CTNNA2: variants seen among roughly 807,000 people sequenced by gnomAD.
The protein encoded by CTNNA2 is catenin alpha 2.
A neutral mutation model predicts 101.0 loss-of-function variants in CTNNA2; 42 were observed. The observed-to-expected ratio is 0.42, with a 90% confidence interval of 0.32 to 0.54. CTNNA2 has a LOEUF of 0.54. CTNNA2 is among the 20% of genes least tolerant of loss of function. CTNNA2 has a pLI of 0.14. For missense variants in CTNNA2, 871 were observed against 1,223.1 expected, an observed-to-expected ratio of 0.71 and a Z score of 4.29; for synonymous variants, 450 against 456.4, an observed-to-expected ratio of 0.99 and a Z score of 0.18.
chr2:79,743,625 C>G (rs1039909760), intron 2 of CTNNA2, among the ~76,000 whole-genome samples: 2 of 151,806 alleles, frequency 1.3e-5, no homozygotes, highest in African/African-American at 4.8e-5. Context: ...CCTCTGCCTC[C>G]CGAGTTCAAG....
chr2:79,599,722 T>C (rs532419631), intron 1 of CTNNA2, among the ~76,000 whole-genome samples: 8 of 152,254 alleles, frequency 5.3e-5, no homozygotes, highest in African/African-American at 1.9e-4. Context: ...TCTAGAAAAA[T>C]CTGAGAAATT....
intron 7 of CTNNA2, among the ~76,000 whole-genome samples, chr2:80,294,732 C>G (rs980716680): frequency 1.3e-5 from 2 of 152,126 alleles, no homozygotes; most frequent in African/African-American, 4.8e-5. Flanking sequence ...GTCCAGGAGT[C>G]AGTATTTATT....
chr2:80,403,532 T>C (rs1678774355), intron 8 of CTNNA2, among the ~76,000 whole-genome samples: 1 of 152,188 alleles, frequency 6.6e-6, no homozygotes. Context: ...TTAGAGAAAA[T>C]GGAGAACACT....
chr2:79,895,624 A>T (rs1684650868), intron 6 of CTNNA2, among the ~76,000 whole-genome samples: 1 of 151,990 alleles, frequency 6.6e-6, no homozygotes. Flanking sequence ...CTTAAAAAAA[A>T]TTCAACCATT....
intron 7 of CTNNA2, among the ~76,000 whole-genome samples, chr2:80,062,854 C>T (rs530239941): frequency 1.3e-4 from 20 of 152,040 alleles, no homozygotes; most frequent in South Asian, 4.2e-4. Flanking sequence ...TACAGGCGCC[C>T]GCCACCACAC....
chr2:79,299,693 C>T (rs1049192221), intron 2 of CTNNA2, among the ~76,000 whole-genome samples: 6 of 152,148 alleles, frequency 3.9e-5, no homozygotes, highest in Non-Finnish European at 7.3e-5. Context: ...ACAAGGTAAA[C>T]TTCTGACCTA....
intron 7 of CTNNA2, among the ~76,000 whole-genome samples, chr2:80,294,938 T>C (rs1325130810): frequency 6.6e-6 from 1 of 152,212 alleles, no homozygotes; most frequent in African/African-American, 2.4e-5. Context: ...TTGAAAAGGA[T>C]TGAGGAGTCA....
At chr2:79,382,581 A>G (rs1028381354) in intron 4 of CTNNA2, among the ~76,000 whole-genome samples, 3 of 152,196 alleles carry the variant, frequency 2.0e-5, no homozygotes, top group Non-Finnish European at 4.4e-5. Flanking sequence ...ATTTTATAGC[A>G]TTTAAAAACA....
chr2:79,224,336 C>T (rs1674382091), intron 2 of CTNNA2, among the ~76,000 whole-genome samples: 1 of 152,032 alleles, frequency 6.6e-6, no homozygotes, highest in Admixed American at 6.6e-5. Context: ...ACATTATTTT[C>T]AACGCTTTAT....
At chr2:79,951,703 T>C (rs1284034515) in intron 7 of CTNNA2, among the ~76,000 whole-genome samples, 1 of 151,726 alleles carries the variant, frequency 6.6e-6, no homozygotes, top group Non-Finnish European at 1.5e-5. Context: ...TAAAATAAAA[T>C]AAAATAAAAT....
At chr2:80,060,778 T>C (rs1231063501) in intron 7 of CTNNA2, among the ~76,000 whole-genome samples, 2 of 152,188 alleles carry the variant, frequency 1.3e-5, no homozygotes, top group Admixed American at 1.3e-4. Flanking sequence ...CATCCATTTC[T>C]CCCTGTCAGG....
intron 4 of CTNNA2, among the ~76,000 whole-genome samples, chr2:79,459,005 C>T (rs114549787): frequency 0.018 from 2,739 of 152,052 alleles, 87 homozygotes; most frequent in African/African-American, 0.061. Context: ...ATGGATAAAA[C>T]GATTGGGCTT....
At chr2:79,859,614 T>A (rs1436141090) in intron 4 of CTNNA2, among the ~76,000 whole-genome samples, 2 of 151,516 alleles carry the variant, frequency 1.3e-5, no homozygotes, top group African/African-American at 4.9e-5. Context: ...CTTGGAAGTT[T>A]TTTTTATTTT....
At chr2:79,245,394 C>G (rs1442224710) in intron 2 of CTNNA2, among the ~76,000 whole-genome samples, 1 of 152,202 alleles carries the variant, frequency 6.6e-6, no homozygotes, top group African/African-American at 2.4e-5. Flanking sequence ...AGGTTGCAGT[C>G]AGCTGAGATC....
intron 7 of CTNNA2, among the ~76,000 whole-genome samples, chr2:80,214,976 A>G (rs185117098): frequency 6.6e-6 from 1 of 151,896 alleles, no homozygotes; most frequent in Admixed American, 6.6e-5. Flanking sequence ...TTTTTTCTCT[A>G]AACTTCTCTT....
At chr2:79,812,105 T>A (rs1449845850) in intron 3 of CTNNA2, among the ~76,000 whole-genome samples, 2 of 152,214 alleles carry the variant, frequency 1.3e-5, no homozygotes, top group East Asian at 3.8e-4. Context: ...TGTGACCTTC[T>A]AAATTTAAGT....
At chr2:79,222,656 G>A (rs1039903694) in intron 2 of CTNNA2, among the ~76,000 whole-genome samples, 1 of 151,996 alleles carries the variant, frequency 6.6e-6, no homozygotes, top group African/African-American at 2.4e-5. Flanking sequence ...TCCTCCTCCT[G>A]CCTTCTTTTC....
chr2:80,554,733 TA>T (rs1692875445), intron 11 of CTNNA2, among the ~76,000 whole-genome samples: 1 of 152,190 alleles, frequency 6.6e-6, no homozygotes, highest in African/African-American at 2.4e-5. Flanking sequence ...TTTAAGGGAA[TA>T]AAAACATGCA....
At chr2:80,491,276 TTGTA>T (rs1687037542) in intron 9 of CTNNA2, among the ~76,000 whole-genome samples, 1 of 152,188 alleles carries the variant, frequency 6.6e-6, no homozygotes, top group Non-Finnish European at 1.5e-5. Flanking sequence ...CCCAGTTGTC[TTGTA>T]TAGTGACGTG....
Sources: allele counts gnomAD v4.1 joint callset (sites outside exome capture counted in the v4.1 genomes callset), GRCh38; gene constraint gnomAD v4.1.1; transcripts MANE v1.5; gene names NCBI Gene and HGNC (gene_info 2026-07-23, HGNC 2026-07-21).